TENM3: variants seen among roughly 807,000 people sequenced by gnomAD.
TENM3 encodes teneurin-3.
In TENM3, 63 loss-of-function variants were observed where a neutral mutation model predicts 255.1. That is an observed-to-expected ratio of 0.25 (90% confidence interval 0.20 to 0.30). The LOEUF (loss-of-function observed/expected upper bound fraction) is 0.30, where lower values mean the gene tolerates loss of function less well. Among genes scored for constraint, TENM3 ranks in the 10% least tolerant of loss-of-function variants. TENM3 has a pLI of 1.00. For missense variants in TENM3, 2,929 were observed against 3,461.1 expected, an observed-to-expected ratio of 0.85 and a Z score of 3.86; for synonymous variants, 1,306 against 1,322.3, an observed-to-expected ratio of 0.99 and a Z score of 0.27.
chr4:182,256,235 C>T (rs1357873589), intron 1 of TENM3, among the ~76,000 whole-genome samples: 1 of 152,158 alleles, frequency 6.6e-6, no homozygotes, highest in Non-Finnish European at 1.5e-5. Context: ...TTGGACATAG[C>T]TATAAAGAAG....
At chr4:181,673,845 GGTGT>G in the TENM3 span, among the ~76,000 whole-genome samples, 6,014 of 137,086 alleles carry the variant, frequency 0.044, 172 homozygotes, top group East Asian at 0.069. Context: ...AGAAGTGTGT[GGTGT>G]GTGTGTGTGT....
chr4:182,014,793 C>T, the TENM3 span, among the ~76,000 whole-genome samples: 6 of 152,054 alleles, frequency 3.9e-5, no homozygotes, highest in African/African-American at 1.4e-4. Flanking sequence ...TTGCAGAAGG[C>T]TCTGAGCACA....
chr4:182,329,495 C>T (rs772662458), intron 2 of TENM3, among the ~76,000 whole-genome samples: 5 of 152,100 alleles, frequency 3.3e-5, no homozygotes, highest in African/African-American at 7.2e-5. Context: ...CACGATTTCC[C>T]GCTCTTTCTT....
At chr4:181,996,407 C>T in the TENM3 span, among the ~76,000 whole-genome samples, 1 of 152,032 alleles carries the variant, frequency 6.6e-6, no homozygotes, top group Non-Finnish European at 1.5e-5. Flanking sequence ...GGAACGCTTA[C>T]AAGCTGAAAA....
the TENM3 span, among the ~76,000 whole-genome samples, chr4:181,615,965 T>G: frequency 5.9e-5 from 9 of 152,294 alleles, no homozygotes; most frequent in South Asian, 1.9e-3. Flanking sequence ...CAGTGGTAAC[T>G]AATAGTCTCA....
chr4:182,802,463 G>C lies in TENM3; in HGVS notation c.*2112G>C, dbSNP rs780909499. ...ATTTAGCATGCTGTAAGTACTTTTGGGTGAAATAGGCTCTGAGTCTAAATT... is the reference window on the plus strand; with the variant it reads ...ATTTAGCATGCTGTAAGTACTTTTGCGTGAAATAGGCTCTGAGTCTAAATT... On this transcript the variant is annotated 3_prime_UTR_variant, in exon 28 of 28. Coordinates refer to ENST00000511685, the MANE Select transcript of TENM3 (RefSeq NM_001080477.4). The C allele has an allele frequency of 6.6e-6, 1 of 152,508 alleles. No individual in the cohort carries two copies. Among genetic ancestry groups the C allele is most frequent in the Non-Finnish European group, 1.5e-5 (1 of 68,024 alleles). 9.4% of individuals were successfully genotyped at this position (152,508 alleles called of 1,614,324 possible). A position where few individuals can be genotyped will look rare whatever the true frequency, so the allele number is the denominator to read the frequency against.
At chr4:181,528,472 G>A in the TENM3 span, among the ~76,000 whole-genome samples, 7 of 152,116 alleles carry the variant, frequency 4.6e-5, no homozygotes, top group Admixed American at 2.0e-4. Flanking sequence ...AATGAGACTC[G>A]CAAAGCACAG....
At chr4:181,883,766 C>T in the TENM3 span, among the ~76,000 whole-genome samples, 1 of 152,046 alleles carries the variant, frequency 6.6e-6, no homozygotes, top group Non-Finnish European at 1.5e-5. Flanking sequence ...CGTGAGCCAC[C>T]GCAATATACA....
the TENM3 span, among the ~76,000 whole-genome samples, chr4:181,968,382 T>C: frequency 6.6e-6 from 1 of 152,188 alleles, no homozygotes; most frequent in East Asian, 1.9e-4. Flanking sequence ...CGGTTGTCAC[T>C]GGCTCTCGCC....
the TENM3 span, among the ~76,000 whole-genome samples, chr4:181,665,412 C>G: frequency 3.6e-4 from 55 of 152,232 alleles, no homozygotes; most frequent in Middle Eastern, 3.4e-3. Context: ...GCCATCCTTC[C>G]AAAATGCTCT....
the TENM3 span, among the ~76,000 whole-genome samples, chr4:181,638,350 G>C: frequency 5.4e-4 from 82 of 152,314 alleles, no homozygotes; most frequent in Non-Finnish European, 9.3e-4. Context: ...AGTATGTACA[G>C]ATAAGGCCGT....
the TENM3 span, among the ~76,000 whole-genome samples, chr4:181,500,433 G>T: frequency 6.6e-6 from 1 of 152,108 alleles, no homozygotes; most frequent in African/African-American, 2.4e-5. Context: ...CAAAAAATAT[G>T]CTCTTTCAAG....
At chr4:181,752,705 A>G in the TENM3 span, among the ~76,000 whole-genome samples, 1 of 152,168 alleles carries the variant, frequency 6.6e-6, no homozygotes, top group Non-Finnish European at 1.5e-5. Context: ...CCTGCCGCAG[A>G]CAGCACAGAA....
chr4:181,904,169 G>A, the TENM3 span, among the ~76,000 whole-genome samples: 2 of 151,848 alleles, frequency 1.3e-5, no homozygotes, highest in African/African-American at 2.4e-5. Context: ...GCATCCCCAC[G>A]ATCTGACTGT....
chr4:182,723,305 A>T (rs1038817513), intron 13 of TENM3, among the ~76,000 whole-genome samples: 2 of 152,236 alleles, frequency 1.3e-5, no homozygotes, highest in African/African-American at 4.8e-5. Flanking sequence ...ACAGAATGTG[A>T]CTAAAAAGAA....
chr4:181,888,525 T>TAC, the TENM3 span, among the ~76,000 whole-genome samples: 35 of 99,848 alleles, frequency 3.5e-4, 3 homozygotes, highest in African/African-American at 1.6e-3. Context: ...TGTATATATA[T>TAC]ACATATATGT....
chr4:182,222,862 A>G (rs1755926925), intron 1 of TENM3, among the ~76,000 whole-genome samples: 1 of 152,190 alleles, frequency 6.6e-6, no homozygotes, highest in Non-Finnish European at 1.5e-5. Context: ...GCTGCCAGTC[A>G]CAGTTAAGGG....
the TENM3 span, among the ~76,000 whole-genome samples, chr4:181,858,026 C>T: frequency 1.2e-4 from 19 of 152,222 alleles, 1 homozygote; most frequent in Middle Eastern, 3.2e-3. Flanking sequence ...CTGCATTCAG[C>T]TACTTCTAAA....
At chr4:181,689,392 C>T in the TENM3 span, among the ~76,000 whole-genome samples, 2 of 152,306 alleles carry the variant, frequency 1.3e-5, no homozygotes, top group East Asian at 3.9e-4. Flanking sequence ...ATCCATCCAA[C>T]TCGGCAAAGC....
Sources: gnomAD v4.1 joint callset for allele counts (sites outside exome capture counted in the v4.1 genomes callset) on GRCh38, gnomAD v4.1.1 for gene constraint, MANE v1.5 for transcripts, NCBI Gene and HGNC (gene_info 2026-07-23, HGNC 2026-07-21) for gene names.